The following LITAF variants were observed in gnomAD, a reference collection of about 807,000 sequenced individuals.
LITAF encodes lipopolysaccharide induced TNF factor.
LITAF carries 9 observed loss-of-function variants against 14.5 expected under a neutral mutation model. The ratio of observed to expected loss-of-function variants is 0.62; its 90% CI spans 0.37 to 1.08. The LOEUF (loss-of-function observed/expected upper bound fraction) is 1.08. Ranked by LOEUF, LITAF falls within the 50% of genes least tolerant of loss-of-function variation. LITAF has a pLI of 0.01. For missense variants in LITAF, 206 were observed against 213.4 expected, an observed-to-expected ratio of 0.97 and a Z score of 0.22; for synonymous variants, 98 against 88.2, an observed-to-expected ratio of 1.11 and a Z score of -0.62.
upstream of LITAF, among the ~76,000 whole-genome samples, chr16:11,588,290 T>C (rs886252611): frequency 2.0e-5 from 3 of 151,416 alleles, no homozygotes; most frequent in Admixed American, 6.6e-5. Context: ...AGCCCAGGAG[T>C]TCAAGGCCAG....
At chr16:11,581,428 C>G (rs1004980495) in intron 1 of LITAF, among the ~76,000 whole-genome samples, 2 of 152,158 alleles carry the variant, frequency 1.3e-5, no homozygotes, top group African/African-American at 2.4e-5. Flanking sequence ...GGATGGATCA[C>G]TTCACTCCAA....
chr16:11,553,055 C>T lies in LITAF; in HGVS notation c.377+478G>A, dbSNP rs1200808749. On this transcript the variant is annotated intron_variant, in intron 3 of 3. Coordinates refer to ENST00000622633, the MANE Select transcript of LITAF (RefSeq NM_001136472.2). This position sits in a 1 kb window ranked among gnomAD's most constrained non-coding sequence, Gnocchi z 7.7. Reference sequence around the variant, plus strand: ...GCTTGAACCTGGGAGGCGGAGGTTGCAGTGAGCCGGGATCGTGCTACTGCA... The same window carrying T: ...GCTTGAACCTGGGAGGCGGAGGTTGTAGTGAGCCGGGATCGTGCTACTGCA... Among the ~76,000 whole-genome samples the T allele has an allele frequency of 6.6e-6, 1 of 152,096 alleles. No individual in the cohort carries two copies. The highest frequency in any genetic ancestry group is 2.4e-5 in the African/African-American group (1 of 41,406).
At chr16:11,583,811 T>C (rs2141836074) in intron 1 of LITAF, among the ~76,000 whole-genome samples, 1 of 152,306 alleles carries the variant, frequency 6.6e-6, no homozygotes, top group East Asian at 1.9e-4. Flanking sequence ...TGGATCCTGG[T>C]ATATAAACTC....
chr16:11,600,400 G>T (rs1156467244), upstream of LITAF, among the ~76,000 whole-genome samples: 1 of 152,268 alleles, frequency 6.6e-6, no homozygotes, highest in Non-Finnish European at 1.5e-5. This position sits in a 1 kb window ranked among gnomAD's most constrained non-coding sequence, Gnocchi z 4.1. Flanking sequence ...CAGATGCCTG[G>T]CATAGGCCTG....
chr16:11,617,842 C>G, intron 3 of LITAF, among the ~76,000 whole-genome samples: 1 of 152,128 alleles, frequency 6.6e-6, no homozygotes, highest in South Asian at 2.1e-4. Flanking sequence ...CCTCCGTAAC[C>G]TATTTATTTA....
chr16:11,588,847 C>A (rs1384671927), upstream of LITAF, among the ~76,000 whole-genome samples: 3 of 148,960 alleles, frequency 2.0e-5, no homozygotes, highest in South Asian at 2.1e-4. Context: ...TCCCTCCCAA[C>A]CTTTTCTCCT....
At chr16:11,609,186 A>C (rs2064969474) in intron 3 of LITAF, among the ~76,000 whole-genome samples, 1 of 151,780 alleles carries the variant, frequency 6.6e-6, no homozygotes, top group South Asian at 2.1e-4. Context: ...AATTCTATAA[A>C]CTAAAAGCCT....
intron 1 of LITAF, among the ~76,000 whole-genome samples, chr16:11,576,201 G>A (rs2064629473): frequency 1.3e-5 from 2 of 152,150 alleles, no homozygotes; most frequent in Non-Finnish European, 2.9e-5. Flanking sequence ...GGGCACGGTG[G>A]CTCATGCCTG....
At chr16:11,639,724 G>A (rs1359927019), upstream of LITAF, among the ~76,000 whole-genome samples, 2 of 152,176 alleles carry the variant, frequency 1.3e-5, no homozygotes, top group Non-Finnish European at 2.9e-5. Context: ...GCCAGGTGCA[G>A]TGGCTCATGC....
intron 3 of LITAF, among the ~76,000 whole-genome samples, chr16:11,618,978 G>A (rs1170688544): frequency 1.4e-5 from 2 of 139,220 alleles, no homozygotes; most frequent in Non-Finnish European, 3.0e-5. Flanking sequence ...GCTAGACTCG[G>A]TCTTAAAAAA....
At chr16:11,618,994 A>AAAACAAAC (rs141083763) in intron 3 of LITAF, among the ~76,000 whole-genome samples, 1 of 148,294 alleles carries the variant, frequency 6.7e-6, no homozygotes, top group South Asian at 2.1e-4. Context: ...AAAAAAAAAC[A>AAAACAAAC]AAACAAACAA....
chr16:11,623,587 G>C lies in LITAF; in HGVS notation c.85+9946C>G, dbSNP rs941749663. On this transcript the variant is annotated intron_variant, in intron 3 of 3. Transcript: ENST00000574848. Reference sequence around the variant, plus strand: ...AGGCAGGAGAATCGCTTGAACCCAGGAGGCAGAGGTTGTGGTGAGCTGAGA... The same window carrying C: ...AGGCAGGAGAATCGCTTGAACCCAGCAGGCAGAGGTTGTGGTGAGCTGAGA... Among the ~76,000 whole-genome samples, 14 of 151,984 alleles carry C rather than the reference G, an allele frequency of 9.2e-5. No homozygotes were observed. The East Asian group carries it at 2.7e-3, about 30-fold the overall frequency.
At position 11,558,259 on chromosome 16, in the gene LITAF, G is replaced by A. The variant is rs766943882; in HGVS notation, c.-5-1524C>T. 4.6e-5 allele frequency among the ~76,000 whole-genome samples: 7 copies of A among 152,172 alleles called. No homozygotes were observed. The highest frequency in any genetic ancestry group is 1.3e-4 in the Admixed American group (2 of 15,268). On this transcript the variant is annotated intron_variant, in intron 1 of 3. Coordinates refer to ENST00000622633, the MANE Select transcript of LITAF (RefSeq NM_001136472.2). The surrounding 1 kb of genome is among the most constrained non-coding windows in gnomAD (Gnocchi z 4.1). ...AGGAGACTTCTCTGGAGGAACCGAA[G>A]AAAGGGTATTCACCTCAAAGTGGAA... is the stretch of plus-strand genomic sequence containing the variant.
intron 1 of LITAF, among the ~76,000 whole-genome samples, chr16:11,566,053 G>T (rs995892910): frequency 3.9e-5 from 6 of 152,060 alleles, no homozygotes; most frequent in African/African-American, 1.4e-4. Context: ...TTGAGAGGAT[G>T]AAATGAATCC....
chr16:11,556,888 T>G (rs1043309937), intron 1 of LITAF, among the ~76,000 whole-genome samples, 153 bp from the exon 2 acceptor site: 1 of 152,166 alleles, frequency 6.6e-6, no homozygotes, highest in Non-Finnish European at 1.5e-5. Context: ...AGGGTTAATG[T>G]CCCTTCAAGA....
At chr16:11,624,434 GTCAGCC>G (rs1424573367) in intron 3 of LITAF, among the ~76,000 whole-genome samples, 1 of 152,186 alleles carries the variant, frequency 6.6e-6, no homozygotes, top group Non-Finnish European at 1.5e-5. Flanking sequence ...GTCTGAGACT[GTCAGCC>G]TCACTAGAAT....
intron 1 of LITAF, among the ~76,000 whole-genome samples, chr16:11,564,054 G>A (rs1262557274): frequency 6.6e-6 from 1 of 151,936 alleles, no homozygotes; most frequent in African/African-American, 2.4e-5. Flanking sequence ...TTACAGGCAC[G>A]TGCCACTAAA....
intron 2 of LITAF, among the ~76,000 whole-genome samples, chr16:11,555,254 C>A (rs2064250315): frequency 6.6e-6 from 1 of 152,200 alleles, no homozygotes; most frequent in African/African-American, 2.4e-5. Flanking sequence ...GTTTGGAACT[C>A]CTGGCCTCAG....
intron 3 of LITAF, among the ~76,000 whole-genome samples, chr16:11,626,174 C>T (rs1055764933): frequency 6.6e-6 from 1 of 151,566 alleles, no homozygotes; most frequent in African/African-American, 2.4e-5. Flanking sequence ...TTTAAAAAAA[C>T]AAAACGAACA....
Sources: gnomAD v4.1 joint callset for allele counts (sites outside exome capture counted in the v4.1 genomes callset) on GRCh38, gnomAD v4.1.1 for gene constraint, Gnocchi (gnomAD v3.1) non-coding constraint, MANE v1.5 for transcripts, NCBI Gene and HGNC (gene_info 2026-07-23, HGNC 2026-07-21) for gene names.